Variants in ELF1 observed in about 807,000 individuals in gnomAD.
The protein encoded by ELF1 is E74 like ETS transcription factor 1.
A neutral mutation model predicts 59.9 loss-of-function variants in ELF1; 24 were observed. That is an observed-to-expected ratio of 0.40 (90% CI 0.29 to 0.56). The LOEUF (loss-of-function observed/expected upper bound fraction) is 0.56, where lower values mean the gene tolerates loss of function less well. Among genes scored for constraint, ELF1 ranks in the 20% least tolerant of loss-of-function variants. ELF1 has a pLI of 0.44. For missense variants in ELF1, 627 were observed against 742.2 expected (o/e 0.84, Z 1.80); for synonymous variants, 248 against 266.2 (o/e 0.93, Z 0.67).
At chr13:41,001,233 C>T (rs1268854286) in intron 1 of ELF1, among the ~76,000 whole-genome samples, 1 of 152,050 alleles carries the variant, frequency 6.6e-6, no homozygotes, top group Non-Finnish European at 1.5e-5. Context: ...CCTCGGCCTC[C>T]CAAAGTGCTG....
At chr13:41,048,321 C>T (rs1008709410) in intron 1 of ELF1, among the ~76,000 whole-genome samples, 17 of 152,204 alleles carry the variant, frequency 1.1e-4, no homozygotes, top group African/African-American at 2.4e-4. Flanking sequence ...GAGATGAACC[C>T]GGTACCTCAG....
At position 40,951,374 on chromosome 13, in the gene ELF1, G is replaced by C. The variant is rs1870837356; in HGVS notation, c.316C>G (p.Leu106Val). The stretch of plus-strand genomic sequence containing the variant: ...ATAGGGCCAGGGGAATCCATATTGA[G>C]GAGTGCCTCAGCAGCCTCAATAGTT... ...IETIEAAEAL[L>V]NMDSPGPMLD... Residue 106 changes from leucine to valine, a missense_variant, in exon 4 of 9, where the codon CTC becomes GTC. Physicochemically the swap from Leu to Val is conservative, Grantham distance 32. This residue lies in a region of ELF1 where 232 missense variants were observed against 269.2 expected (regional missense o/e 0.86). Coordinates refer to ENST00000239882, the MANE Select transcript of ELF1 (RefSeq NM_172373.4). 2 of 1,613,598 alleles carry C rather than the reference G, an allele frequency of 1.2e-6. No individual in the cohort carries two copies. The highest frequency in any genetic ancestry group is 2.7e-5 in the African/African-American group (2 of 74,880).
chr13:40,937,720 C>T (rs7989531), intron 8 of ELF1, among the ~76,000 whole-genome samples: 78,878 of 152,116 alleles, frequency 0.52, 23,976 homozygotes, highest in Non-Finnish European at 0.67. Flanking sequence ...TCACCCGCCT[C>T]GGCCTCCCAC....
chr13:41,012,361 AAGAGGAT>A (rs1875118580), intron 1 of ELF1, among the ~76,000 whole-genome samples: 1 of 150,866 alleles, frequency 6.6e-6, no homozygotes, highest in African/African-American at 2.4e-5. Context: ...AGTTAAACCA[AAGAGGAT>A]TCATCTATCT....
chr13:40,997,741 T>C (rs1001580336), intron 1 of ELF1, among the ~76,000 whole-genome samples: 3 of 152,216 alleles, frequency 2.0e-5, no homozygotes, highest in Non-Finnish European at 4.4e-5. Context: ...TCAGCTTGGA[T>C]ATCATCAAAG....
intron 8 of ELF1, among the ~76,000 whole-genome samples, chr13:40,936,831 C>T (rs1869815612): frequency 6.6e-6 from 1 of 151,274 alleles, no homozygotes; most frequent in South Asian, 2.1e-4. Context: ...CCTATAATCC[C>T]AGCAACTCGG....
intron 2 of ELF1, 117 bp from the exon 3 acceptor site, chr13:40,959,133 G>A (rs148334131): frequency 3.1e-5 from 42 of 1,338,868 alleles, no homozygotes; most frequent in Non-Finnish European, 4.0e-5. Flanking sequence ...AGATCATCAG[G>A]CTGTATCTCT....
intron 2 of ELF1, among the ~76,000 whole-genome samples, chr13:40,977,028 T>C (rs1459546255): frequency 2.0e-5 from 3 of 152,076 alleles, no homozygotes. Flanking sequence ...TAAACACAAA[T>C]ATGATTTGCC....
intron 1 of ELF1, among the ~76,000 whole-genome samples, chr13:41,013,886 T>G (rs1875217216): frequency 6.6e-6 from 1 of 152,032 alleles, no homozygotes; most frequent in Admixed American, 6.5e-5. Flanking sequence ...TTATAAAATT[T>G]TATAGTTTTA....
chr13:41,008,230 A>G (rs1874860606), intron 1 of ELF1, among the ~76,000 whole-genome samples: 1 of 152,220 alleles, frequency 6.6e-6, no homozygotes, highest in Non-Finnish European at 1.5e-5. Flanking sequence ...TCGACCTGTG[A>G]GCCAAACTAG....
intron 1 of ELF1, among the ~76,000 whole-genome samples, chr13:40,995,728 C>T (rs1043310224): frequency 1.3e-5 from 2 of 148,634 alleles, no homozygotes; most frequent in African/African-American, 2.5e-5. Flanking sequence ...CAAAATGGAT[C>T]GCAAACCTAA....
chr13:41,027,705 T>G (rs1331639624), intron 1 of ELF1, among the ~76,000 whole-genome samples: 1 of 152,198 alleles, frequency 6.6e-6, no homozygotes, highest in Non-Finnish European at 1.5e-5. Context: ...ACAGAATGCC[T>G]TATCTACCAT....
chr13:40,956,756 G>C (rs1871473240), intron 3 of ELF1, among the ~76,000 whole-genome samples: 1 of 150,622 alleles, frequency 6.6e-6, no homozygotes, highest in Admixed American at 6.6e-5. Flanking sequence ...GCAGTGGTGA[G>C]ATCTCAGCTC....
In ELF1 at chr13:40,932,353, A is replaced by G. The variant is rs1869467557; in HGVS notation, c.*1072T>C. 1 of 149,550 alleles carries G rather than the reference A, an allele frequency of 6.7e-6. No homozygotes were observed. Among genetic ancestry groups the G allele is most frequent in the Non-Finnish European group, 1.5e-5 (1 of 67,600 alleles). 9.3% of individuals were successfully genotyped at this position (149,550 alleles called of 1,614,324 possible). On this transcript the variant is annotated 3_prime_UTR_variant, in exon 9 of 9. Coordinates refer to ENST00000239882, the MANE Select transcript of ELF1 (RefSeq NM_172373.4). ...CCCCCAAGTCCGCCCCCAGTAAAAAATGATCCAAAATATAAAGCAATTATG... is the reference window on the plus strand; with the variant it reads ...CCCCCAAGTCCGCCCCCAGTAAAAAGTGATCCAAAATATAAAGCAATTATG...
chr13:40,961,415 G>A (rs958807365), intron 2 of ELF1, among the ~76,000 whole-genome samples: 2 of 152,118 alleles, frequency 1.3e-5, no homozygotes, highest in African/African-American at 4.8e-5. Flanking sequence ...AGCCAGGCCT[G>A]GTGGTATGTG....
rs547252380 is a variant in ELF1, at chr13:41,037,790, C to T, written c.-229+23048G>A. Among the ~76,000 whole-genome samples the T allele has an allele frequency of 7.4e-5, 11 of 148,956 alleles. No individual in the cohort carries two copies. In the South Asian group the frequency reaches 1.7e-3, roughly 23 times the overall value. On this transcript the variant is annotated intron_variant, in intron 1 of 1. Transcript: ENST00000405737. ...CAGCCTGGGCGACTAAGCGAGACTC[C>T]GTCTCAAAAAAAAAAAGAAAAAAAA...
chr13:40,956,073 A>G (rs897734724), intron 3 of ELF1, among the ~76,000 whole-genome samples: 27 of 149,534 alleles, frequency 1.8e-4, no homozygotes, highest in East Asian at 9.8e-4. Flanking sequence ...TGGGAGGTGT[A>G]CTCAACAGCT....
At chr13:40,958,533 A>C (rs1260356734) in intron 3 of ELF1, among the ~76,000 whole-genome samples, 1 of 152,122 alleles carries the variant, frequency 6.6e-6, no homozygotes, top group African/African-American at 2.4e-5. Context: ...ATCTCTTAAA[A>C]AAAAAAAAAA....
intron 8 of ELF1, among the ~76,000 whole-genome samples, chr13:40,936,596 C>CAA (rs1869786823): frequency 6.6e-6 from 1 of 151,636 alleles, no homozygotes; most frequent in Non-Finnish European, 1.5e-5. Context: ...ATTAAAAATA[C>CAA]AAAAATTAGC....
Sources: allele counts gnomAD v4.1 joint callset (sites outside exome capture counted in the v4.1 genomes callset), GRCh38; gene constraint gnomAD v4.1.1; regional missense constraint gnomAD v4.1.1; transcripts MANE v1.5; gene names NCBI Gene and HGNC (gene_info 2026-07-23, HGNC 2026-07-21).